WDPCP: variants seen among roughly 807,000 people sequenced by gnomAD.
WDPCP encodes the protein WD repeat-containing and planar cell polarity effector protein fritz homolog.
In WDPCP, 71 loss-of-function variants were observed where a neutral mutation model predicts 93.1. The observed-to-expected ratio is 0.76, with a 90% CI of 0.63 to 0.93. The LOEUF is 0.93. WDPCP is among the 40% of genes least tolerant of loss of function. The pLI is 0.00. For missense variants in WDPCP, 844 were observed against 887.4 expected (o/e 0.95, Z 0.62); for synonymous variants, 315 against 315.0 (o/e 1.00, Z 0.00).
chr2:63,200,356 G>A (rs1014172784), intron 14 of WDPCP, among the ~76,000 whole-genome samples: 1 of 152,096 alleles, frequency 6.6e-6, no homozygotes, highest in African/African-American at 2.4e-5. Context: ...CTCAAAAGAA[G>A]GTATATTAGC....
chr2:63,826,234 T>C (rs1433064276), intron 1 of WDPCP, among the ~76,000 whole-genome samples: 2 of 151,994 alleles, frequency 1.3e-5, no homozygotes, highest in Non-Finnish European at 2.9e-5. Context: ...TATTTTTTCT[T>C]TTTTGCCTAC....
chr2:63,247,218 CTT>C (rs1680355085), intron 14 of WDPCP, among the ~76,000 whole-genome samples: 1 of 152,158 alleles, frequency 6.6e-6, no homozygotes, highest in African/African-American at 2.4e-5. Context: ...ATGCAGTAAT[CTT>C]TTACTCAGAA....
intron 3 of WDPCP, among the ~76,000 whole-genome samples, chr2:63,615,231 A>G (rs971603991): frequency 6.6e-6 from 1 of 152,212 alleles, no homozygotes; most frequent in East Asian, 1.9e-4. Context: ...CAAGTTTCAC[A>G]TACATACGGT....
chr2:63,651,551 G>C (rs371611324), intron 2 of WDPCP, among the ~76,000 whole-genome samples: 1 of 152,030 alleles, frequency 6.6e-6, no homozygotes, highest in African/African-American at 2.4e-5. Context: ...AAATCCATTG[G>C]GTAGGCAGGC....
At chr2:63,749,507 G>A (rs778557646) in intron 2 of WDPCP, among the ~76,000 whole-genome samples, 1 of 151,904 alleles carries the variant, frequency 6.6e-6, no homozygotes, top group Non-Finnish European at 1.5e-5. Context: ...TTTCATATTC[G>A]ATACACGAGT....
chr2:63,706,998 T>C (rs185341869), intron 2 of WDPCP, among the ~76,000 whole-genome samples: 1 of 152,224 alleles, frequency 6.6e-6, no homozygotes, highest in Non-Finnish European at 1.5e-5. Context: ...AGAGATCAGT[T>C]GTTAGTCTGA....
At position 63,461,506 on chromosome 2, in the gene WDPCP, G is replaced by A. The variant is rs930110566; in HGVS notation, c.385-21635C>T. ...CTTCTTGTACAGCCTGCATAACCAC[G>A]AGCCAATTAAACCCCTTTTCTTTAT... On this transcript the variant is annotated intron_variant, in intron 6 of 17. Coordinates refer to ENST00000272321, the MANE Select transcript of WDPCP (RefSeq NM_015910.7). Among the ~76,000 whole-genome samples, 8 of 152,156 alleles carry A rather than the reference G, an allele frequency of 5.3e-5. No homozygotes were observed. The South Asian group carries it at 6.2e-4, about 12-fold the overall frequency.
upstream of WDPCP, among the ~76,000 whole-genome samples, chr2:63,828,058 T>C (rs1002690342): frequency 1.5e-4 from 23 of 152,180 alleles, no homozygotes; most frequent in African/African-American, 3.9e-4. Flanking sequence ...ATTGGGCTAA[T>C]ACACAGGGGC....
At chr2:63,677,315 A>G (rs766526491) in intron 2 of WDPCP, among the ~76,000 whole-genome samples, 2 of 152,204 alleles carry the variant, frequency 1.3e-5, no homozygotes, top group Non-Finnish European at 2.9e-5. Flanking sequence ...TTCATACTCA[A>G]TATACATCAA....
chr2:63,638,544 C>T (rs189734410), intron 3 of WDPCP, among the ~76,000 whole-genome samples: 1 of 152,196 alleles, frequency 6.6e-6, no homozygotes, highest in East Asian at 1.9e-4. Flanking sequence ...AATCCCAACA[C>T]TTTGGAAGGC....
chr2:63,639,406 A>G (rs948829310), intron 3 of WDPCP, among the ~76,000 whole-genome samples: 1 of 152,136 alleles, frequency 6.6e-6, no homozygotes, highest in African/African-American at 2.4e-5. Flanking sequence ...TCAGCCTCCC[A>G]AAGTGCTGGG....
intron 6 of WDPCP, among the ~76,000 whole-genome samples, chr2:63,466,719 CAA>C (rs1408868046): frequency 2.6e-5 from 4 of 152,064 alleles, no homozygotes; most frequent in Admixed American, 6.5e-5. Flanking sequence ...TGAAAAACAA[CAA>C]GAGAGGAGTT....
At chr2:63,335,924 AC>A (rs1401438737) in intron 12 of WDPCP, among the ~76,000 whole-genome samples, 6 of 152,122 alleles carry the variant, frequency 3.9e-5, no homozygotes, top group Admixed American at 1.3e-4. Flanking sequence ...AACGAGAGCG[AC>A]CTCTGGTCAT....
At chr2:63,512,472 CAA>C (rs1022367934) in intron 1 of WDPCP, among the ~76,000 whole-genome samples, 4 of 152,082 alleles carry the variant, frequency 2.6e-5, no homozygotes, top group African/African-American at 4.8e-5. Context: ...TTCACAATAA[CAA>C]AGACTTGGAA....
chr2:63,498,365 C>A (rs1049071136), intron 1 of WDPCP, among the ~76,000 whole-genome samples: 2 of 152,126 alleles, frequency 1.3e-5, no homozygotes, highest in Admixed American at 1.3e-4. Flanking sequence ...AGGGGACAAT[C>A]TATGATTGCC....
At chr2:63,305,678 A>C (rs1181980052) in intron 13 of WDPCP, among the ~76,000 whole-genome samples, 3 of 152,202 alleles carry the variant, frequency 2.0e-5, no homozygotes, top group South Asian at 4.1e-4. Context: ...CCTTGCCAGC[A>C]AGGGAACAAA....
intron 10 of WDPCP, among the ~76,000 whole-genome samples, chr2:63,383,819 C>T (rs1347848114): frequency 1.3e-5 from 2 of 152,068 alleles, no homozygotes; most frequent in Admixed American, 6.6e-5. Context: ...ACTTGAAAAA[C>T]ACTATCAATG....
chr2:63,476,021 A>G (rs1448874799), intron 6 of WDPCP, among the ~76,000 whole-genome samples: 2 of 152,126 alleles, frequency 1.3e-5, no homozygotes, highest in African/African-American at 4.8e-5. Flanking sequence ...CACATGTAAC[A>G]GAGTCAAAAC....
In WDPCP at chr2:63,404,035, T is replaced by A; in HGVS notation, c.1435+13A>T. The A allele has an allele frequency of 6.2e-7, 1 of 1,614,016 alleles. No homozygotes were observed. Among genetic ancestry groups the A allele is most frequent in the East Asian group, 2.2e-5 (1 of 44,884 alleles). ...CATTTTAATTTACTTACTCATCACT[T>A]TCCTTGACTTACCTAGTTTAAACAA... On this transcript the variant is annotated intron_variant, in intron 10 of 17. Transcript: ENST00000272321.
Sources: gnomAD v4.1 joint callset for allele counts (sites outside exome capture counted in the v4.1 genomes callset) on GRCh38, gnomAD v4.1.1 for gene constraint, MANE v1.5 for transcripts, NCBI Gene and HGNC (gene_info 2026-07-23, HGNC 2026-07-21) for gene names.